STMN1: variants seen among roughly 807,000 people sequenced by gnomAD.
The protein encoded by STMN1 is stathmin 1.
Under a neutral mutation model 19.7 loss-of-function variants are expected in STMN1, and 3 were observed. The observed-to-expected ratio is 0.15, with a 90% CI of 0.07 to 0.39. STMN1 has a LOEUF of 0.39. STMN1 is among the 10% of genes least tolerant of loss of function. The pLI is 1.00. For synonymous variants in STMN1, 59 were observed against 58.9 expected (o/e 1.00, Z -0.01); for missense variants, 99 against 176.0 (o/e 0.56, Z 2.48).
chr1:25,901,476 A>G lies in STMN1; in HGVS notation c.378+15T>C. ...AAACTCCAAGCTCAACCCTTTTACA[A>G]AGTAAGAAACCAACCTTCTCTCGCA... On this transcript the variant is annotated intron_variant, in intron 4 of 4. Coordinates refer to ENST00000455785, the MANE Select transcript of STMN1 (RefSeq NM_005563.4). 1 of 1,594,038 alleles carries G rather than the reference A, an allele frequency of 6.3e-7. No individual in the cohort carries two copies. Among genetic ancestry groups the G allele is most frequent in the South Asian group, 1.1e-5 (1 of 87,612 alleles).
downstream of STMN1, chr1:25,884,823 A>G (rs796308328): frequency 2.0e-5 from 3 of 153,612 alleles, no homozygotes; most frequent in African/African-American, 7.2e-5. Context: ...TTCGTAATAC[A>G]ATCACCAAGG....
downstream of STMN1, among the ~76,000 whole-genome samples, chr1:25,899,675 C>T (rs1308630857): frequency 1.3e-5 from 2 of 152,148 alleles, no homozygotes; most frequent in Non-Finnish European, 2.9e-5. Context: ...TGCTAAATAT[C>T]TATGTTCTAA....
intron 4 of STMN1, among the ~76,000 whole-genome samples, chr1:25,890,069 T>A (rs893176895): frequency 1.1e-4 from 17 of 152,294 alleles, no homozygotes; most frequent in African/African-American, 4.1e-4. Context: ...GCCTTGTCCA[T>A]CGCTGTATCC....
At position 25,900,568 on chromosome 1, in the gene STMN1, A is replaced by G. The variant is rs541280539; in HGVS notation, c.*448T>C. ...TAACTCAAAAGAAGTCACTGCCACCAACAGCACTGTGCAGTTTTATTAACC... is the reference window on the plus strand; with the variant it reads ...TAACTCAAAAGAAGTCACTGCCACCGACAGCACTGTGCAGTTTTATTAACC... On this transcript the variant is annotated 3_prime_UTR_variant, in exon 5 of 5. Transcript: ENST00000455785. 3.4e-5 allele frequency: 34 copies of G among 986,914 alleles called. No individual in the cohort carries two copies. The South Asian group carries it at 1.2e-3, about 35-fold the overall frequency. The allele number at this position is 986,914 out of a possible 1,614,324, so 61.1% of individuals were successfully genotyped here.
chr1:25,889,113 AT>A, intron 4 of STMN1: 1 of 466,730 alleles, frequency 2.1e-6, no homozygotes, highest in Non-Finnish European at 4.2e-6. Context: ...TCTATAAGGA[AT>A]TCCACATGAG....
downstream of STMN1, among the ~76,000 whole-genome samples, chr1:25,899,484 G>T (rs139587528): frequency 5.6e-3 from 851 of 152,290 alleles, 4 homozygotes; most frequent in Middle Eastern, 0.017. Context: ...GCTCCTATTT[G>T]CCCTACATGG....
chr1:25,887,003 C>T (rs1412435936), intron 4 of STMN1, among the ~76,000 whole-genome samples: 2 of 152,228 alleles, frequency 1.3e-5, no homozygotes, highest in Non-Finnish European at 2.9e-5. Flanking sequence ...GACTTGGATG[C>T]CCTTTCCTGT....
Position 25,885,897 on chromosome 1 carries a change from C to T in STMN1, c.379-28G>A, listed in dbSNP as rs192286224. The T allele has an allele frequency of 1.1e-4, 165 of 1,534,200 alleles. 1 individual carries two copies. Among genetic ancestry groups the T allele is most frequent in the Non-Finnish European group, 1.4e-4 (157 of 1,139,076 alleles). ...GGAAGAAAAAGAAAAATCACCAGGT[C>T]ATCTGCAACCCAGAGGCCAAGGGAC... On this transcript the variant is annotated intron_variant, in intron 4 of 4. Coordinates refer to the STMN1 transcript ENST00000426559.
At chr1:25,905,800 G>C (rs1334939934) in intron 1 of STMN1, 1 of 152,164 alleles carries the variant, frequency 6.6e-6, no homozygotes, top group Non-Finnish European at 1.5e-5. Context: ...ACAGGCCCCC[G>C]GGTGGTCCCG....
At position 25,889,256 on chromosome 1, in the gene STMN1, C is replaced by T. The variant is rs144899040; in HGVS notation, c.379-3387G>A. The T allele has an allele frequency of 7.8e-4, 188 of 240,306 alleles. 2 individuals are homozygous for T. Among genetic ancestry groups the T allele is most frequent in the East Asian group, 4.5e-3 (36 of 8,048 alleles). 14.9% of individuals were successfully genotyped at this position (240,306 alleles called of 1,614,324 possible). A position where few individuals can be genotyped will look rare whatever the true frequency, so the allele number is the denominator to read the frequency against. ...TTCCTCTCTGAATCTGTTATGAATG[C>T]GTTGGTTGGCTGGGTTCAGTAATAA... On this transcript the variant is annotated intron_variant, in intron 4 of 4. Coordinates refer to the STMN1 transcript ENST00000426559.
At chr1:25,904,433 A>C (rs1255835479) in intron 2 of STMN1, among the ~76,000 whole-genome samples, 1 of 152,242 alleles carries the variant, frequency 6.6e-6, no homozygotes, top group Non-Finnish European at 1.5e-5. Flanking sequence ...TAAACAAAAG[A>C]CTTGTGCAAA....
At position 25,901,078 on chromosome 1, in the gene STMN1, T is replaced by G; in HGVS notation, c.388A>C (p.Ile130Leu). 1 of 1,606,250 alleles carries G rather than the reference T, an allele frequency of 6.2e-7. No homozygotes were observed. The highest frequency in any genetic ancestry group is 1.1e-5 in the South Asian group (1 of 90,878). Residue 130 changes from isoleucine (I) to leucine (L), a missense_variant, in exon 5 of 5, where the codon ATT becomes CTT. By Grantham distance (5) the Ile-to-Leu change is conservative. This residue lies in a region of STMN1 where 54 missense variants were observed against 79.4 expected (regional missense o/e 0.68). Coordinates refer to ENST00000455785, the MANE Select transcript of STMN1 (RefSeq NM_005563.4). ...TCTTTGTTCTTCCGCACTTCTTCAATGTGCTTATCCTGTAAAGGAAGGGTA... is the reference window on the plus strand; with the variant it reads ...TCTTTGTTCTTCCGCACTTCTTCAAGGTGCTTATCCTGTAAAGGAAGGGTA... ...LERLREKDKH[I>L]EEVRKNKESK...
intron 4 of STMN1, among the ~76,000 whole-genome samples, chr1:25,894,749 A>T (rs1268921398): frequency 6.6e-6 from 1 of 152,120 alleles, no homozygotes; most frequent in East Asian, 1.9e-4. Context: ...AATTATTTAG[A>T]GACAGAATCT....
rs891327064 is a variant in STMN1 at position 25,900,237 on chromosome 1, T to C, written c.*779A>G. The C allele has an allele frequency of 1.6e-5, 16 of 985,814 alleles. No homozygotes were observed. The African/African-American group carries it at 2.8e-4, about 17-fold the overall frequency. The allele number at this position is 985,814 out of a possible 1,614,324, so 61.1% of individuals were successfully genotyped here. A position where few individuals can be genotyped will look rare whatever the true frequency, so the allele number is the denominator to read the frequency against. On this transcript the variant is annotated 3_prime_UTR_variant, in exon 5 of 5. Coordinates refer to ENST00000455785, the MANE Select transcript of STMN1 (RefSeq NM_005563.4). Reference sequence around the variant, plus strand: ...AGAGCAAGCAAACCACCAAGTAGAATCTTGAGATTCTCTCTCAACTGTTCT... The same window carrying C: ...AGAGCAAGCAAACCACCAAGTAGAACCTTGAGATTCTCTCTCAACTGTTCT...
chr1:25,896,879 G>GA (rs2048821913), downstream of STMN1, among the ~76,000 whole-genome samples: 1 of 152,218 alleles, frequency 6.6e-6, no homozygotes, highest in African/African-American at 2.4e-5. Context: ...GGTCCTTGGA[G>GA]TTCAGCTCTG....
At chr1:25,888,859 G>A in intron 4 of STMN1, 2 of 260,602 alleles carry the variant, frequency 7.7e-6, no homozygotes, top group Non-Finnish European at 1.6e-5. Flanking sequence ...GATGGGAAAA[G>A]GGCAAAAGGT....
chr1:25,889,130 A>G lies in STMN1; in HGVS notation c.379-3261T>C, dbSNP rs368810199. The G allele has an allele frequency of 2.7e-4, 120 of 449,158 alleles. 1 individual carries two copies. In the East Asian group the frequency reaches 6.8e-3, roughly 26 times the overall value. 27.8% of individuals were successfully genotyped at this position (449,158 alleles called of 1,614,324 possible). On this transcript the variant is annotated intron_variant, in intron 4 of 4. Coordinates refer to the STMN1 transcript ENST00000426559. ...TATAAGGAATTCCACATGAGATGGC[A>G]CACACATTTATGCTGTCTGAAGGTC...
intron 4 of STMN1, chr1:25,887,259 G>T: frequency 6.2e-6 from 1 of 160,196 alleles, no homozygotes. Flanking sequence ...CAAGGAGAAA[G>T]GGGAAATCAG....
chr1:25,902,299 A>T (rs2048885263), intron 3 of STMN1: 1 of 152,184 alleles, frequency 6.6e-6, no homozygotes, highest in East Asian at 1.9e-4. Context: ...TGCGAGTGGC[A>T]CTTTTATTGT....
Sources: allele counts gnomAD v4.1 joint callset (sites outside exome capture counted in the v4.1 genomes callset), GRCh38; gene constraint gnomAD v4.1.1; regional missense constraint gnomAD v4.1.1; transcripts MANE v1.5; gene names NCBI Gene and HGNC (gene_info 2026-07-23, HGNC 2026-07-21).